Variants in MYCBP2 observed in about 807,000 individuals in gnomAD.
MYCBP2 encodes MYC binding protein 2.
A neutral mutation model predicts 525.3 loss-of-function variants in MYCBP2; 120 were observed. The observed-to-expected ratio is 0.23, with a 90% CI of 0.20 to 0.27. MYCBP2 has a LOEUF of 0.27. Among genes scored for constraint, MYCBP2 ranks in the 10% least tolerant of loss-of-function variants. The pLI is 1.00. For synonymous variants in MYCBP2, 1,894 were observed against 1,955.8 expected (o/e 0.97, Z 0.83); for missense variants, 4,149 against 5,657.1 (o/e 0.73, Z 8.55).
intron 1 of MYCBP2, among the ~76,000 whole-genome samples, chr13:77,314,279 GA>G (rs1446593126): frequency 6.6e-6 from 1 of 152,126 alleles, no homozygotes; most frequent in Non-Finnish European, 1.5e-5. Flanking sequence ...TTCTAAAAAA[GA>G]AAATGTATGT....
At chr13:77,250,067 C>CA (rs1382068982) in intron 15 of MYCBP2, among the ~76,000 whole-genome samples, 7 of 151,644 alleles carry the variant, frequency 4.6e-5, no homozygotes, top group Admixed American at 6.6e-5. Context: ...ACTAAAAATA[C>CA]AAAAAATTAG....
intron 77 of MYCBP2, 73 bp downstream of exon 77, chr13:77,059,450 T>G (rs1171447213): frequency 8.8e-7 from 1 of 1,139,312 alleles, no homozygotes. Flanking sequence ...GAGCTAAAAC[T>G]CTTTTCTGTA....
chr13:77,060,985 T>C (rs988685426), intron 76 of MYCBP2, among the ~76,000 whole-genome samples, 184 bp downstream of exon 76: 7 of 152,338 alleles, frequency 4.6e-5, no homozygotes, highest in African/African-American at 1.4e-4. Context: ...TCAGGTTTCT[T>C]GACTTTTGGT....
At chr13:77,134,844 T>A (rs2053492479) in intron 52 of MYCBP2, among the ~76,000 whole-genome samples, 1 of 152,192 alleles carries the variant, frequency 6.6e-6, no homozygotes, top group African/African-American at 2.4e-5. Context: ...GGTGTTTAAA[T>A]AGAAAGACTG....
rs554703118 is a variant in MYCBP2 at position 77,239,830 on chromosome 13, AT to A, written c.2629+3228del. Among the ~76,000 whole-genome samples, 61 of 152,318 alleles carry A rather than the reference AT, an allele frequency of 4.0e-4. No homozygotes were observed. The South Asian group carries it at 0.011, about 28-fold the overall frequency. ...TCCTCCATCCAATTAAAATAAAAAT[AT>A]TTTTTAAAAAGCAAAGGTAAGCAAA... On this transcript the variant is annotated intron_variant, in intron 17 of 82. Coordinates refer to ENST00000544440, the MANE Select transcript of MYCBP2 (RefSeq NM_015057.5).
intron 55 of MYCBP2, among the ~76,000 whole-genome samples, chr13:77,111,916 A>G (rs1340045517): frequency 6.6e-6 from 1 of 152,190 alleles, no homozygotes; most frequent in Non-Finnish European, 1.5e-5. Flanking sequence ...AAGACCCTTC[A>G]TGATCCAGCC....
At chr13:77,053,532 CGGTTTGTCTT>C (rs1186443187) in intron 80 of MYCBP2, among the ~76,000 whole-genome samples, 1 of 152,156 alleles carries the variant, frequency 6.6e-6, no homozygotes, top group Non-Finnish European at 1.5e-5. Context: ...GGAAGTATTT[CGGTTTGTCTT>C]GGGGACTGCT....
chr13:77,062,420 T>A lies in MYCBP2; in HGVS notation c.12774+176A>T, dbSNP rs113858070. 2.0e-3 allele frequency among the ~76,000 whole-genome samples: 309 copies of A among 152,336 alleles called. 2 individuals carry two copies. Among genetic ancestry groups the A allele is most frequent in the African/African-American group, 5.4e-3 (226 of 41,586 alleles). On this transcript the variant is annotated intron_variant, in intron 74 of 82. Coordinates refer to ENST00000544440, the MANE Select transcript of MYCBP2 (RefSeq NM_015057.5). ...CCTAAAGTTTCCATATACTATGAAG[T>A]AGGGACTCTCTGAAATAGACTTGTG...
At chr13:77,190,180 G>A (rs963768113) in intron 29 of MYCBP2, 72 bp downstream of exon 29, 46 of 940,748 alleles carry the variant, frequency 4.9e-5, no homozygotes, top group Admixed American at 8.7e-5. Flanking sequence ...ATTATGCCAC[G>A]TTTTGTAATG....
intron 26 of MYCBP2, among the ~76,000 whole-genome samples, chr13:77,197,464 T>C (rs1459873369): frequency 1.3e-5 from 2 of 152,062 alleles, no homozygotes; most frequent in East Asian, 1.9e-4. Flanking sequence ...ATGAATTCAG[T>C]TGAGATATTA....
At chr13:77,317,621 G>A (rs2081105944) in intron 1 of MYCBP2, among the ~76,000 whole-genome samples, 1 of 152,144 alleles carries the variant, frequency 6.6e-6, no homozygotes, top group African/African-American at 2.4e-5. Flanking sequence ...TGCAAGATGG[G>A]ACAAATGATT....
intron 8 of MYCBP2, among the ~76,000 whole-genome samples, chr13:77,264,450 T>C (rs1274863816): frequency 6.6e-6 from 1 of 152,124 alleles, no homozygotes; most frequent in Non-Finnish European, 1.5e-5. Flanking sequence ...ACTACAGATA[T>C]CCCTTGCTTT....
chr13:77,074,008 C>A (rs61074887), intron 68 of MYCBP2, among the ~76,000 whole-genome samples: 1 of 140,500 alleles, frequency 7.1e-6, no homozygotes, highest in Non-Finnish European at 1.5e-5. Context: ...CACCGCCCCC[C>A]CCCCTTTTTT....
intron 62 of MYCBP2, among the ~76,000 whole-genome samples, chr13:77,086,288 C>T (rs1458497752): frequency 6.6e-6 from 1 of 151,988 alleles, no homozygotes; most frequent in Non-Finnish European, 1.5e-5. Context: ...AGTATTTTAA[C>T]TTGTAATGTT....
chr13:77,226,733 T>A (rs2066333083), intron 18 of MYCBP2, among the ~76,000 whole-genome samples: 1 of 152,190 alleles, frequency 6.6e-6, no homozygotes, highest in Non-Finnish European at 1.5e-5. Flanking sequence ...TCTACCTACA[T>A]TATTACTTTC....
intron 32 of MYCBP2, among the ~76,000 whole-genome samples, chr13:77,183,553 T>TTC (rs1434285567): frequency 7.9e-6 from 1 of 126,496 alleles, no homozygotes; most frequent in Non-Finnish European, 1.7e-5. Flanking sequence ...TTTTTTTTTT[T>TTC]TTTTTTTTTT....
At chr13:77,219,288 T>G (rs1272055078) in intron 20 of MYCBP2, among the ~76,000 whole-genome samples, 1 of 151,982 alleles carries the variant, frequency 6.6e-6, no homozygotes, top group Non-Finnish European at 1.5e-5. Flanking sequence ...TAAGGAGACA[T>G]ACACCTAACC....
At chr13:77,237,748 G>A (rs1408527142) in intron 17 of MYCBP2, among the ~76,000 whole-genome samples, 1 of 152,068 alleles carries the variant, frequency 6.6e-6, no homozygotes, top group African/African-American at 2.4e-5. Context: ...AAAAAAGTGT[G>A]AGAAGTTACA....
intron 1 of MYCBP2, among the ~76,000 whole-genome samples, chr13:77,301,216 A>C (rs2078753640): frequency 6.6e-6 from 1 of 151,912 alleles, no homozygotes; most frequent in African/African-American, 2.4e-5. Flanking sequence ...GGAGTTCGAG[A>C]CCAGCTTGGC....
Sources: gnomAD v4.1 joint callset for allele counts (sites outside exome capture counted in the v4.1 genomes callset) on GRCh38, gnomAD v4.1.1 for gene constraint, MANE v1.5 for transcripts, NCBI Gene and HGNC (gene_info 2026-07-23, HGNC 2026-07-21) for gene names.